Variants in SHANK2 observed in about 807,000 individuals in gnomAD.
The protein encoded by SHANK2 is SH3 and multiple ankyrin repeat domains 2, also known as SH3 and multiple ankyrin repeat domains protein 2.
A neutral mutation model predicts 133.7 loss-of-function variants in SHANK2; 43 were observed. The ratio of observed to expected loss-of-function variants is 0.32; its 90% confidence interval spans 0.25 to 0.41. The LOEUF (loss-of-function observed/expected upper bound fraction) is 0.41, where lower values mean the gene tolerates loss of function less well. SHANK2 is among the 10% of genes least tolerant of loss of function. SHANK2 has a pLI of 1.00. For missense variants in SHANK2, 1,994 were observed against 2,235.8 expected (o/e 0.89, Z 2.18); for synonymous variants, 1,017 against 952.8 (o/e 1.07, Z -1.24).
chr11:71,122,307 T>C (rs1235834595), intron 3 of SHANK2, among the ~76,000 whole-genome samples: 2 of 152,228 alleles, frequency 1.3e-5, no homozygotes, highest in African/African-American at 4.8e-5. Flanking sequence ...CATGGAATAC[T>C]ATGCAGCCAT....
chr11:71,075,277 T>C lies in SHANK2; in HGVS notation c.913-2A>G. The C allele has an allele frequency of 4.8e-6, 1 of 206,620 alleles. No homozygotes were observed. The highest frequency in any genetic ancestry group is 1.0e-5 in the Non-Finnish European group (1 of 96,532). The allele number at this position is 206,620 out of a possible 1,614,324, so 12.8% of individuals were successfully genotyped here. A position where few individuals can be genotyped will look rare whatever the true frequency, so the allele number is the denominator to read the frequency against. Reference sequence around the variant, plus strand: ...CTGCACGTGCCCGTACCTGCAGGCCTGAAACACAGAACCCAGGCTGTGAAT... The same window carrying C: ...CTGCACGTGCCCGTACCTGCAGGCCCGAAACACAGAACCCAGGCTGTGAAT... On this transcript the variant is annotated splice_acceptor_variant, in intron 8 of 25. Transcript: ENST00000601538. LOFTEE classifies it high-confidence loss of function.
chr11:70,919,112 C>T (rs781941050), intron 10 of SHANK2, among the ~76,000 whole-genome samples: 2 of 152,026 alleles, frequency 1.3e-5, no homozygotes, highest in Non-Finnish European at 2.9e-5. Context: ...TGCAGTGAGC[C>T]GTGATCACCC....
intron 17 of SHANK2, among the ~76,000 whole-genome samples, chr11:70,637,633 C>A (rs1038702433): frequency 6.6e-6 from 1 of 152,202 alleles, no homozygotes; most frequent in Admixed American, 6.5e-5. Flanking sequence ...TCAGGAAGGC[C>A]GGGGCACAAA....
intron 17 of SHANK2, among the ~76,000 whole-genome samples, chr11:70,547,305 G>A (rs2059707374): frequency 1.3e-5 from 2 of 152,156 alleles, no homozygotes; most frequent in Admixed American, 1.3e-4. Flanking sequence ...CTGTTGCCCA[G>A]GCTGGAGTGC....
intron 17 of SHANK2, among the ~76,000 whole-genome samples, chr11:70,591,632 G>A (rs1372400454): frequency 2.6e-5 from 4 of 152,156 alleles, no homozygotes; most frequent in Non-Finnish European, 5.9e-5. Context: ...CTTAAAAAGG[G>A]ACAGGAAGAC....
rs2135396666 is a variant in SHANK2, at chr11:70,830,691, T to C, written c.1175-10009A>G. Among the ~76,000 whole-genome samples the C allele has an allele frequency of 6.6e-6, 1 of 152,360 alleles. No homozygotes were observed. Among genetic ancestry groups the C allele is most frequent in the South Asian group, 2.1e-4 (1 of 4,826 alleles). On this transcript the variant is annotated intron_variant, in intron 11 of 25. Transcript: ENST00000601538. This position sits in a 1 kb window ranked among gnomAD's most constrained non-coding sequence, Gnocchi z 4.4. ...TTAAAAACCCATTTTCCCTGGAGGC[T>C]TCCAGAGATCTTCTTCTCTGAGAAA...
intron 17 of SHANK2, among the ~76,000 whole-genome samples, chr11:70,623,324 T>A (rs551042012): frequency 7.7e-6 from 1 of 129,392 alleles, no homozygotes; most frequent in Non-Finnish European, 1.7e-5. Flanking sequence ...TCCTCCGAGG[T>A]TGCCGACCTT....
At chr11:70,640,594 A>T (rs1261807262) in intron 17 of SHANK2, among the ~76,000 whole-genome samples, 2 of 152,248 alleles carry the variant, frequency 1.3e-5, no homozygotes, top group Admixed American at 6.5e-5. Context: ...GACTGCACGA[A>T]GCTGAGGCCC....
In SHANK2 at chr11:70,519,292, C is replaced by T. The variant is rs568385041; in HGVS notation, c.2062-16361G>A. 2.0e-4 allele frequency among the ~76,000 whole-genome samples: 31 copies of T among 152,252 alleles called. 1 individual carries two copies. Among genetic ancestry groups the T allele is most frequent in the East Asian group, 5.8e-4 (3 of 5,184 alleles). ...TATGTGAGAAGGCCCAGATACGGGCCGGATACTCGCCTTTCATCAGTTTTC... is the reference window on the plus strand; with the variant it reads ...TATGTGAGAAGGCCCAGATACGGGCTGGATACTCGCCTTTCATCAGTTTTC... On this transcript the variant is annotated intron_variant, in intron 17 of 25. Transcript: ENST00000601538.
At chr11:70,871,302 G>A (rs1017855226) in intron 11 of SHANK2, among the ~76,000 whole-genome samples, 6 of 152,212 alleles carry the variant, frequency 3.9e-5, no homozygotes, top group Non-Finnish European at 1.5e-5. Flanking sequence ...ATGAGTCTGA[G>A]GGTCCAAGAG....
intron 11 of SHANK2, among the ~76,000 whole-genome samples, chr11:70,881,863 T>G (rs1437641175): frequency 6.6e-6 from 1 of 151,960 alleles, no homozygotes; most frequent in Non-Finnish European, 1.5e-5. Flanking sequence ...CTCAGCCTCC[T>G]GCACCCAGCA....
At chr11:70,837,598 C>G (rs1565351895) in intron 11 of SHANK2, among the ~76,000 whole-genome samples, 2 of 152,134 alleles carry the variant, frequency 1.3e-5, no homozygotes. Flanking sequence ...TCTTTCTCCC[C>G]CAAGTAAACT....
chr11:70,801,550 C>T (rs1261983491), intron 13 of SHANK2, among the ~76,000 whole-genome samples: 2 of 152,180 alleles, frequency 1.3e-5, no homozygotes, highest in Non-Finnish European at 2.9e-5. Flanking sequence ...GAGGAAGGGG[C>T]TGGGCTTGGC....
chr11:70,590,017 C>T (rs1028364004), intron 17 of SHANK2, among the ~76,000 whole-genome samples: 28 of 152,238 alleles, frequency 1.8e-4, no homozygotes, highest in Non-Finnish European at 2.5e-4. Context: ...TAGCCAGGCG[C>T]GGTGGCGGGC....
At chr11:71,116,449 G>A (rs1448582668) in intron 4 of SHANK2, among the ~76,000 whole-genome samples, 3 of 152,228 alleles carry the variant, frequency 2.0e-5, no homozygotes, top group Non-Finnish European at 4.4e-5. Flanking sequence ...GACAGGGGTC[G>A]TGCATCACGT....
At chr11:71,057,188 G>A (rs965358221) in intron 9 of SHANK2, among the ~76,000 whole-genome samples, 2 of 152,076 alleles carry the variant, frequency 1.3e-5, no homozygotes, top group Non-Finnish European at 2.9e-5. Flanking sequence ...ACAAAAATTA[G>A]CCGGGCATGG....
rs1369638276 is a variant in SHANK2, at chr11:71,251,563, G to A, written c.-113+862C>T. On this transcript the variant is annotated intron_variant, in intron 1 of 25. Transcript: ENST00000601538. ...GGGCGGGCGGAGCTGCCCGGCCGCCGGGGAGGAGGGATGCCCGGGCGAAAG... is the reference window on the plus strand; with the variant it reads ...GGGCGGGCGGAGCTGCCCGGCCGCCAGGGAGGAGGGATGCCCGGGCGAAAG... Among the ~76,000 whole-genome samples the A allele has an allele frequency of 4.0e-5, 6 of 151,672 alleles. No individual in the cohort carries two copies. In the South Asian group the frequency reaches 6.2e-4, roughly 16 times the overall value.
intron 2 of SHANK2, 146 bp downstream of exon 2, chr11:71,224,551 C>G (rs1160223239): frequency 6.6e-6 from 1 of 152,364 alleles, no homozygotes; most frequent in Non-Finnish European, 1.5e-5. Context: ...CTCTTCCCAC[C>G]CAAACACAAG....
intron 17 of SHANK2, among the ~76,000 whole-genome samples, chr11:70,637,503 C>A (rs576939164): frequency 3.3e-5 from 5 of 152,146 alleles, no homozygotes; most frequent in African/African-American, 1.2e-4. Context: ...CCCACAGAGA[C>A]AAATGAGCGG....
Sources: gnomAD v4.1 joint callset for allele counts (sites outside exome capture counted in the v4.1 genomes callset) on GRCh38, gnomAD v4.1.1 for gene constraint, Gnocchi (gnomAD v3.1) non-coding constraint, MANE v1.5 for transcripts, NCBI Gene and HGNC (gene_info 2026-07-23, HGNC 2026-07-21) for gene names.